FLNB: variants seen among roughly 807,000 people sequenced by gnomAD.
The protein encoded by FLNB is filamin-B.
Under a neutral mutation model 250.6 loss-of-function variants are expected in FLNB, and 111 were observed. The ratio of observed to expected loss-of-function variants is 0.44; its 90% CI spans 0.38 to 0.52. FLNB has a LOEUF of 0.52. FLNB is among the 20% of genes least tolerant of loss of function. The pLI, the probability that FLNB is intolerant of heterozygous loss-of-function variation, is 0.00. For synonymous variants in FLNB, 1,302 were observed against 1,372.1 expected, an observed-to-expected ratio of 0.95 and a Z score of 1.13; for missense variants, 2,869 against 3,447.8, an observed-to-expected ratio of 0.83 and a Z score of 4.20.
intron 1 of FLNB, among the ~76,000 whole-genome samples, chr3:58,033,152 C>T (rs865726): frequency 0.75 from 113,967 of 152,110 alleles, 43,714 homozygotes; most frequent in East Asian, 0.95. Flanking sequence ...TTTTGATTAG[C>T]TTATACACAC....
At chr3:58,103,293 T>C (rs150462882) in intron 9 of FLNB, among the ~76,000 whole-genome samples, 2 of 138,474 alleles carry the variant, frequency 1.4e-5, no homozygotes, top group Admixed American at 7.4e-5. Context: ...TGTGTGTGTG[T>C]GCACGCGCGT....
chr3:58,073,066 T>C (rs1407978392), intron 1 of FLNB, among the ~76,000 whole-genome samples: 2 of 152,190 alleles, frequency 1.3e-5, no homozygotes, highest in Non-Finnish European at 2.9e-5. Flanking sequence ...TGAGACTTCA[T>C]AGCTCCATCC....
rs2097374873 is a variant in FLNB, at chr3:58,168,502, A to G, written c.7261A>G (p.Ile2421Val). The change falls in exon 44 of 46, where the codon ATC (isoleucine) becomes GTC (valine). Residue 2421 changes from isoleucine (I) to valine (V), a missense_variant. Around this residue, in one of 5 missense-constraint regions of FLNB, gnomAD observed 1,084 missense variants for 1,315.5 expected, o/e 0.82. Transcript: ENST00000295956. ...AGGTCCAGGGACATTATCCGTCACC[A>G]TCGAAGGCCCATCCAAGGTTAAAAT... ...RAGPGTLSVT[I>V]EGPSKVKMDC... 1 of 1,614,228 alleles carries G rather than the reference A, an allele frequency of 6.2e-7. No homozygotes were observed. The highest frequency in any genetic ancestry group is 1.1e-5 in the South Asian group (1 of 91,080).
At chr3:58,119,564 G>A (rs1002700710) in intron 19 of FLNB, among the ~76,000 whole-genome samples, 1 of 152,102 alleles carries the variant, frequency 6.6e-6, no homozygotes, top group Non-Finnish European at 1.5e-5. Context: ...TTATTTTTTA[G>A]TAGGGAAAAT....
chr3:58,025,352 G>C (rs898719404), intron 1 of FLNB, among the ~76,000 whole-genome samples: 1 of 151,734 alleles, frequency 6.6e-6, no homozygotes, highest in African/African-American at 2.4e-5. Context: ...CTGGTCTTGA[G>C]CTCCTGGGCT....
In FLNB at chr3:58,008,546, C is replaced by A. The variant is rs1382250130; in HGVS notation, c.-19C>A. 9.6e-6 allele frequency: 15 copies of A among 1,570,204 alleles called. No homozygotes were observed. Among genetic ancestry groups the A allele is most frequent in the Non-Finnish European group, 1.3e-5 (15 of 1,158,804 alleles). On this transcript the variant is annotated 5_prime_UTR_variant, in exon 1 of 46. Transcript: ENST00000295956. ...GTCCCCGGCAGCTCGTTGCGCATTG[C>A]GCTCTCCCCGCCACCAGGATGCCGG...
chr3:58,040,630 G>T (rs936144418), intron 1 of FLNB, among the ~76,000 whole-genome samples: 1 of 152,182 alleles, frequency 6.6e-6, no homozygotes, highest in Non-Finnish European at 1.5e-5. Context: ...GAGTAGCTGG[G>T]ACTATAGGCG....
At chr3:58,133,029 T>G (rs548252578) in intron 26 of FLNB, 98 bp downstream of exon 26, 31 of 1,352,108 alleles carry the variant, frequency 2.3e-5, no homozygotes, top group Non-Finnish European at 2.8e-5. Flanking sequence ...TCCTCCATCA[T>G]TCCATCCATC....
At chr3:58,121,786 A>G (rs1322443665) in intron 20 of FLNB, among the ~76,000 whole-genome samples, 1 of 152,178 alleles carries the variant, frequency 6.6e-6, no homozygotes, top group South Asian at 2.1e-4. Context: ...TGTAAGGGGT[A>G]GGTGAGTTAG....
chr3:58,008,991 G>A (rs2097094297), intron 1 of FLNB, 135 bp downstream of exon 1: 4 of 1,071,810 alleles, frequency 3.7e-6, no homozygotes, highest in African/African-American at 1.6e-5. Context: ...CCAGGGGTGG[G>A]TTATAGGGGG....
chr3:58,169,875 G>T lies in FLNB; in HGVS notation c.7621+82G>T, dbSNP rs764763241. ...GGGTACACTGGCCTTCCCTGCTGAG[G>T]TCTCCTGCAGTGCCCACCCCCATGT... On this transcript the variant is annotated intron_variant, in intron 45 of 45. Transcript: ENST00000295956. The surrounding 1 kb of genome is among the most constrained non-coding windows in gnomAD (Gnocchi z 4.8). 31 of 1,108,972 alleles carry T rather than the reference G, an allele frequency of 2.8e-5. No homozygotes were observed. The highest frequency in any genetic ancestry group is 4.1e-5 in the Non-Finnish European group (31 of 750,688). 68.7% of individuals were successfully genotyped at this position (1,108,972 alleles called of 1,614,324 possible).
intron 12 of FLNB, 71 bp downstream of exon 12, chr3:58,106,944 C>A (rs1472225565): frequency 2.4e-6 from 3 of 1,255,740 alleles, no homozygotes; most frequent in Non-Finnish European, 3.5e-6. Flanking sequence ...CCCGAAGTTG[C>A]CTTAAGCAGC....
chr3:58,119,881 G>A (rs1310277953), intron 19 of FLNB, among the ~76,000 whole-genome samples: 1 of 152,202 alleles, frequency 6.6e-6, no homozygotes, highest in Non-Finnish European at 1.5e-5. Context: ...AAGTTGCCCT[G>A]CTGTATAAAC....
intron 38 of FLNB, among the ~76,000 whole-genome samples, chr3:58,151,685 T>C (rs904332064): frequency 2.6e-5 from 4 of 152,218 alleles, no homozygotes; most frequent in African/African-American, 9.6e-5. Flanking sequence ...AATGGAACTA[T>C]TGGTGATAGA....
intron 27 of FLNB, 74 bp downstream of exon 27, chr3:58,134,846 G>A: frequency 7.1e-7 from 1 of 1,414,416 alleles, no homozygotes; most frequent in South Asian, 1.2e-5. Flanking sequence ...AAGAACAAGG[G>A]TTTCAATAAC....
intron 1 of FLNB, among the ~76,000 whole-genome samples, chr3:58,074,712 T>A (rs2097199315): frequency 6.6e-6 from 1 of 152,192 alleles, no homozygotes; most frequent in Non-Finnish European, 1.5e-5. Flanking sequence ...GTTCTTAAGT[T>A]TTGGACAAGG....
intron 4 of FLNB, among the ~76,000 whole-genome samples, chr3:58,094,157 G>A (rs922127511): frequency 2.0e-5 from 3 of 152,244 alleles, no homozygotes; most frequent in African/African-American, 7.2e-5. Flanking sequence ...TGGGCTCACT[G>A]CAACCTCCAC....
rs1036282575 is a variant in FLNB at position 58,170,759 on chromosome 3, T to C, written c.7806T>C (p.Pro2602=). The change falls in exon 46 of 46, where the codon CCT becomes CCC. Residue 2602 remains proline (P), a synonymous_variant. Transcript: ENST00000295956. ...GCAGCCCTTTTCATGTCACAGTGCC[T>C]TAAAACAGTTTTCTCAAATCCTGGA... ...IPGSPFHVTV[P] The C allele has an allele frequency of 3.1e-6, 5 of 1,613,732 alleles. No individual in the cohort carries two copies. In the African/African-American group the frequency reaches 6.7e-5, roughly 22 times the overall value.
rs376280025 is a variant in FLNB, at chr3:58,138,471, A to G, written c.5051A>G (p.Tyr1684Cys). The G allele has an allele frequency of 8.4e-5, 135 of 1,614,070 alleles. No individual in the cohort carries two copies. The highest frequency in any genetic ancestry group is 1.1e-4 in the Non-Finnish European group (127 of 1,180,036). ...TACACAGCTGCCAAGCCGGGCACAT[A>G]TGTGATCTATGTGCGCTTCGGTGGT... is the stretch of plus-strand genomic sequence containing the variant. ...IFYTAAKPGT[Y>C]VIYVRFGGVD... The change falls in exon 29 of 46, where the codon TAT becomes TGT. Residue 1684 changes from tyrosine (Y) to cysteine (C), a missense_variant. Tyr to Cys is a radical substitution (Grantham distance 194). This residue lies in a region of FLNB where 1,084 missense variants were observed against 1,315.5 expected (regional missense o/e 0.82). Coordinates refer to ENST00000295956, the MANE Select transcript of FLNB (RefSeq NM_001457.4).
Sources: allele counts gnomAD v4.1 joint callset (sites outside exome capture counted in the v4.1 genomes callset), GRCh38; gene constraint gnomAD v4.1.1; regional missense constraint gnomAD v4.1.1; non-coding constraint Gnocchi (gnomAD v3.1); transcripts MANE v1.5; gene names NCBI Gene and HGNC (gene_info 2026-07-23, HGNC 2026-07-21).